The following ZEB1 variants were observed in gnomAD, a reference collection of about 807,000 sequenced individuals.
ZEB1 encodes zinc finger E-box binding homeobox 1.
A neutral mutation model predicts 84.9 loss-of-function variants in ZEB1; 21 were observed. The ratio of observed to expected loss-of-function variants is 0.25; its 90% CI spans 0.18 to 0.36. The LOEUF is 0.36. Ranked by LOEUF, ZEB1 falls within the 10% of genes least tolerant of loss-of-function variation. The pLI is 1.00. For missense variants in ZEB1, 1,104 were observed against 1,330.2 expected (o/e 0.83, Z 2.65); for synonymous variants, 420 against 471.1 (o/e 0.89, Z 1.41).
chr10:31,432,450 G>T (rs1325906935), intron 1 of ZEB1, among the ~76,000 whole-genome samples: 5 of 152,088 alleles, frequency 3.3e-5, no homozygotes, highest in African/African-American at 1.2e-4. Flanking sequence ...TTAGCCAGGT[G>T]TGGTACTGTG....
intron 1 of ZEB1, among the ~76,000 whole-genome samples, chr10:31,454,447 G>C (rs546885441): frequency 4.6e-5 from 7 of 152,008 alleles, no homozygotes; most frequent in South Asian, 2.1e-4. Flanking sequence ...AGAAATAAAG[G>C]GTATTCAAAT....
chr10:31,423,585 A>G (rs2056517052), intron 1 of ZEB1, among the ~76,000 whole-genome samples: 1 of 152,162 alleles, frequency 6.6e-6, no homozygotes, highest in Admixed American at 6.6e-5. Flanking sequence ...CAAATGCATG[A>G]GGATCAGTGT....
intron 1 of ZEB1, among the ~76,000 whole-genome samples, chr10:31,407,083 C>G (rs1447729380): frequency 6.6e-6 from 1 of 151,224 alleles, no homozygotes; most frequent in Non-Finnish European, 1.5e-5. Flanking sequence ...TTTTTAACTT[C>G]TTATTTATTT....
intron 1 of ZEB1, chr10:31,361,105 G>C (rs2042978231): frequency 6.2e-7 from 1 of 1,611,962 alleles, no homozygotes; most frequent in Non-Finnish European, 8.5e-7. Context: ...AGAACGATCT[G>C]ATCTTACAGT....
At chr10:31,359,173 CTG>C (rs1434051012) in intron 1 of ZEB1, among the ~76,000 whole-genome samples, 1 of 152,118 alleles carries the variant, frequency 6.6e-6, no homozygotes, top group Non-Finnish European at 1.5e-5. Flanking sequence ...GCTAGAGAGA[CTG>C]TGTTTTGGCA....
Position 31,512,088 on chromosome 10 carries a change from A to G in ZEB1, c.687+1213A>G, listed in dbSNP as rs78142764. Among the ~76,000 whole-genome samples, 1,065 of 152,212 alleles carry G rather than the reference A, an allele frequency of 7.0e-3. 12 individuals are homozygous for G. The highest frequency in any genetic ancestry group is 0.023 in the African/African-American group (976 of 41,534). ...CGTCTCCTTCCTAGTGCCCCTATTA[A>G]TGAGTCTTATCAGAGAGACCAGCAG... On this transcript the variant is annotated intron_variant, in intron 5 of 8. Coordinates refer to ENST00000424869, the MANE Select transcript of ZEB1 (RefSeq NM_001174096.2).
rs1592151585 is a variant in ZEB1, at chr10:31,527,518, A to T, written c.*254A>T. ...TTTTCATGCAGTTTTCAAAGTTAGG[A>T]ACAAGTTTGTAACATGCAGCAGATT... On this transcript the variant is annotated 3_prime_UTR_variant, in exon 9 of 9. Coordinates refer to ENST00000424869, the MANE Select transcript of ZEB1 (RefSeq NM_001174096.2). 3 of 504,938 alleles carry T rather than the reference A, an allele frequency of 5.9e-6. No individual in the cohort carries two copies. Among genetic ancestry groups the T allele is most frequent in the South Asian group, 4.9e-5 (2 of 40,558 alleles). The allele number at this position is 504,938 out of a possible 1,614,324, so 31.3% of individuals were successfully genotyped here.
rs960932995 is a variant in ZEB1, at chr10:31,372,940, G to A, written c.58+53648G>A. 18 of 926,306 alleles carry A rather than the reference G, an allele frequency of 1.9e-5. No individual in the cohort carries two copies. The African/African-American group carries it at 2.5e-4, about 13-fold the overall frequency. The allele number at this position is 926,306 out of a possible 1,614,324, so 57.4% of individuals were successfully genotyped here. On this transcript the variant is annotated intron_variant, in intron 1 of 8. Coordinates refer to ENST00000424869, the MANE Select transcript of ZEB1 (RefSeq NM_001174096.2). ...TGAACAGGAGGCAAATCATATTCAC[G>A]TTATTTTCCAGTTTAGAGTTATTGC... is the stretch of plus-strand genomic sequence containing the variant.
Position 31,391,819 on chromosome 10 carries a change from C to T in ZEB1, c.59-69218C>T, listed in dbSNP as rs1237703591. Among the ~76,000 whole-genome samples the T allele has an allele frequency of 2.6e-5, 4 of 152,206 alleles. 1 individual carries two copies. The highest frequency in any genetic ancestry group is 2.0e-4 in the Admixed American group (3 of 15,280). ...GATTTCAGAGATTCTGTTGAATCCC[C>T]TAAAATTACAGTCATATTTTGTATA... On this transcript the variant is annotated intron_variant, in intron 1 of 8. Transcript: ENST00000424869.
At chr10:31,449,175 T>A (rs1222031557) in intron 1 of ZEB1, among the ~76,000 whole-genome samples, 1 of 152,212 alleles carries the variant, frequency 6.6e-6, no homozygotes, top group African/African-American at 2.4e-5. Flanking sequence ...GACCCGATTT[T>A]CCAGGTGCGT....
chr10:31,447,740 G>A (rs202015455), intron 1 of ZEB1, among the ~76,000 whole-genome samples: 7 of 152,054 alleles, frequency 4.6e-5, no homozygotes, highest in African/African-American at 1.7e-4. Context: ...TTGAATATTG[G>A]CCCCCACTCT....
chr10:31,514,400 T>C (rs1192091598), intron 5 of ZEB1, among the ~76,000 whole-genome samples: 1 of 152,150 alleles, frequency 6.6e-6, no homozygotes, highest in Non-Finnish European at 1.5e-5. Context: ...TTGGTAATAA[T>C]TTCAGGAGTT....
At chr10:31,354,629 A>AT (rs1177581578) in intron 1 of ZEB1, among the ~76,000 whole-genome samples, 1 of 152,136 alleles carries the variant, frequency 6.6e-6, no homozygotes, top group African/African-American at 2.4e-5. Context: ...TTCCTATTTA[A>AT]TTAAAATTTT....
intron 6 of ZEB1, among the ~76,000 whole-genome samples, chr10:31,517,790 T>C (rs1321713578): frequency 2.0e-5 from 3 of 152,320 alleles, no homozygotes; most frequent in Non-Finnish European, 4.4e-5. Flanking sequence ...TATTGGATCC[T>C]TAGCTATGTA....
chr10:31,514,738 A>T, intron 6 of ZEB1, 30 bp downstream of exon 6: 1 of 1,499,004 alleles, frequency 6.7e-7, no homozygotes, highest in South Asian at 1.1e-5. Flanking sequence ...CTATACCCTG[A>T]ATATCATAGC....
intron 2 of ZEB1, among the ~76,000 whole-genome samples, chr10:31,475,553 CA>C (rs2064026729): frequency 6.6e-6 from 1 of 152,120 alleles, no homozygotes; most frequent in African/African-American, 2.4e-5. Flanking sequence ...AGACAAGTGT[CA>C]AATCACCTAT....
At position 31,387,406 on chromosome 10, in the gene ZEB1, A is replaced by G. The variant is rs115828367; in HGVS notation, c.58+68114A>G. 1,728 of 602,520 alleles carry G rather than the reference A, an allele frequency of 2.9e-3. 34 individuals are homozygous for G. The African/African-American group carries it at 0.033, about 11-fold the overall frequency. 37.3% of individuals were successfully genotyped at this position (602,520 alleles called of 1,614,324 possible). On this transcript the variant is annotated intron_variant, in intron 1 of 8. Transcript: ENST00000424869. ...CCTACCTGTGGGTAGGACATCACAC[A>G]TTCATCAAGAGGTGCTTTTCGTTAT...
chr10:31,399,070 CTG>C (rs1218079528), intron 1 of ZEB1, among the ~76,000 whole-genome samples: 1 of 150,736 alleles, frequency 6.6e-6, no homozygotes, highest in Non-Finnish European at 1.5e-5. Context: ...TCTCAGCTCA[CTG>C]TGACCTCCTC....
intron 1 of ZEB1, among the ~76,000 whole-genome samples, chr10:31,402,571 A>G (rs2052257651): frequency 6.6e-6 from 1 of 151,974 alleles, no homozygotes; most frequent in Non-Finnish European, 1.5e-5. Flanking sequence ...CAGTTTTCTC[A>G]CCTGTAAAAT....
Sources: gnomAD v4.1 joint callset for allele counts (sites outside exome capture counted in the v4.1 genomes callset) on GRCh38, gnomAD v4.1.1 for gene constraint, MANE v1.5 for transcripts, NCBI Gene and HGNC (gene_info 2026-07-23, HGNC 2026-07-21) for gene names.